SCHIP1: variants seen among roughly 807,000 people sequenced by gnomAD.
SCHIP1 encodes schwannomin-interacting protein 1.
A neutral mutation model predicts 29.7 loss-of-function variants in SCHIP1; 8 were observed. The observed-to-expected ratio is 0.27, with a 90% CI of 0.16 to 0.49. The LOEUF (loss-of-function observed/expected upper bound fraction) is 0.49, where lower values mean the gene tolerates loss of function less well. Among genes scored for constraint, SCHIP1 ranks in the 20% least tolerant of loss-of-function variants. The probability of loss-of-function intolerance (pLI) is 0.99; values close to 1 mark genes in which losing one functional copy is unlikely to be tolerated. For missense variants in SCHIP1, 193 were observed against 294.6 expected (o/e 0.66, Z 2.52); for synonymous variants, 76 against 94.9 (o/e 0.80, Z 1.16).
chr3:159,374,821 A>T, the SCHIP1 span, among the ~76,000 whole-genome samples: 2 of 152,204 alleles, frequency 1.3e-5, no homozygotes, highest in African/African-American at 2.4e-5. Flanking sequence ...AGAAATAAGC[A>T]GTCCAGTCTG....
At chr3:159,318,005 A>G in the SCHIP1 span, among the ~76,000 whole-genome samples, 1 of 152,078 alleles carries the variant, frequency 6.6e-6, no homozygotes, top group African/African-American at 2.4e-5. Flanking sequence ...CTGCTGGCAA[A>G]TTGGGCACTC....
the SCHIP1 span, among the ~76,000 whole-genome samples, chr3:159,503,188 T>C: frequency 6.6e-6 from 1 of 152,166 alleles, no homozygotes; most frequent in African/African-American, 2.4e-5. Context: ...TCCCCCTAGC[T>C]TAGTACTATT....
the SCHIP1 span, among the ~76,000 whole-genome samples, chr3:159,605,558 C>T: frequency 7.9e-5 from 12 of 152,062 alleles, no homozygotes; most frequent in Non-Finnish European, 2.9e-5. Flanking sequence ...ATGGCAGTGG[C>T]AGTTCTAAAA....
chr3:159,662,652 A>T, the SCHIP1 span, among the ~76,000 whole-genome samples: 5,585 of 152,302 alleles, frequency 0.037, 262 homozygotes, highest in African/African-American at 0.11. Flanking sequence ...TTTTAAAAGA[A>T]TCAAACCACT....
At chr3:159,715,746 C>G in the SCHIP1 span, among the ~76,000 whole-genome samples, 2 of 152,082 alleles carry the variant, frequency 1.3e-5, no homozygotes, top group African/African-American at 4.8e-5. Context: ...AAATATGGGA[C>G]TATGTGAAAA....
the SCHIP1 span, among the ~76,000 whole-genome samples, chr3:159,381,291 C>G: frequency 1.3e-5 from 2 of 152,092 alleles, no homozygotes; most frequent in Non-Finnish European, 2.9e-5. Context: ...CCCTGATGCA[C>G]AGATCACTGG....
chr3:159,776,332 C>CTTT, the SCHIP1 span, among the ~76,000 whole-genome samples: 655 of 135,086 alleles, frequency 4.8e-3, 3 homozygotes, highest in African/African-American at 0.018. Flanking sequence ...AGTGTTCTGT[C>CTTT]TTTTTTTTTT....
the SCHIP1 span, among the ~76,000 whole-genome samples, chr3:159,754,984 C>A: frequency 2.0e-5 from 3 of 152,126 alleles, no homozygotes; most frequent in Admixed American, 6.5e-5. Context: ...GCCTGTAATC[C>A]CAGCACTTTG....
At chr3:159,632,557 C>T in the SCHIP1 span, among the ~76,000 whole-genome samples, 81 of 152,254 alleles carry the variant, frequency 5.3e-4, no homozygotes, top group African/African-American at 1.9e-3. Context: ...GGCTTCTGGA[C>T]CTTGCTCTCC....
chr3:159,560,071 G>A, the SCHIP1 span, among the ~76,000 whole-genome samples: 1 of 152,144 alleles, frequency 6.6e-6, no homozygotes, highest in African/African-American at 2.4e-5. Context: ...GAAGGGTCAA[G>A]GAAGTTCTTC....
At chr3:159,557,058 C>T in the SCHIP1 span, among the ~76,000 whole-genome samples, 8 of 151,554 alleles carry the variant, frequency 5.3e-5, no homozygotes, top group Non-Finnish European at 1.2e-4. Context: ...CCCGGGTTCA[C>T]GCCATTCTCC....
chr3:159,805,872 G>A, the SCHIP1 span, among the ~76,000 whole-genome samples: 4 of 149,880 alleles, frequency 2.7e-5, no homozygotes, highest in East Asian at 2.0e-4. Context: ...GCAGTGGAGC[G>A]ATCTCGGCTC....
the SCHIP1 span, among the ~76,000 whole-genome samples, chr3:159,728,159 T>C: frequency 6.6e-6 from 1 of 152,162 alleles, no homozygotes; most frequent in Non-Finnish European, 1.5e-5. Flanking sequence ...ACAGACCATA[T>C]GCCAGTGGGT....
intron 2 of SCHIP1, among the ~76,000 whole-genome samples, chr3:159,873,098 G>A (rs1392402809): frequency 1.3e-5 from 2 of 152,168 alleles, no homozygotes; most frequent in African/African-American, 4.8e-5. Context: ...CAATTTCAAC[G>A]TGAAATAGAT....
chr3:159,796,342 G>C, the SCHIP1 span, among the ~76,000 whole-genome samples: 1 of 152,118 alleles, frequency 6.6e-6, no homozygotes, highest in Non-Finnish European at 1.5e-5. Context: ...GAAGCTAGGG[G>C]GAGAGGGAAG....
the SCHIP1 span, among the ~76,000 whole-genome samples, chr3:159,537,763 A>G: frequency 2.0e-5 from 3 of 152,170 alleles, no homozygotes; most frequent in Non-Finnish European, 4.4e-5. Context: ...TACATTTGTT[A>G]AAAAGTATTT....
At chr3:159,803,554 C>T in the SCHIP1 span, among the ~76,000 whole-genome samples, 3 of 152,144 alleles carry the variant, frequency 2.0e-5, no homozygotes, top group Non-Finnish European at 4.4e-5. Context: ...TAAGACCTAC[C>T]TAAGGAATTA....
At chr3:159,541,538 T>TGGGCGCG in the SCHIP1 span, among the ~76,000 whole-genome samples, 1 of 151,962 alleles carries the variant, frequency 6.6e-6, no homozygotes, top group African/African-American at 2.4e-5. Flanking sequence ...CTATTTCCCT[T>TGGGCGCG]GTGGCTGATA....
chr3:159,720,231 G>T, the SCHIP1 span, among the ~76,000 whole-genome samples: 1 of 133,022 alleles, frequency 7.5e-6, no homozygotes, highest in Non-Finnish European at 1.6e-5. Context: ...CCTATCGTGG[G>T]GTGGGGGGAG....
Sources: gnomAD v4.1 joint callset for allele counts (sites outside exome capture counted in the v4.1 genomes callset) on GRCh38, gnomAD v4.1.1 for gene constraint, MANE v1.5 for transcripts, NCBI Gene and HGNC (gene_info 2026-07-23, HGNC 2026-07-21) for gene names.